The following ADAT2 variants were observed in gnomAD, a reference collection of about 807,000 sequenced individuals.
ADAT2 encodes adenosine deaminase tRNA specific 2.
ADAT2 carries 26 observed loss-of-function variants against 25.9 expected under a neutral mutation model. The ratio of observed to expected loss-of-function variants is 1.00; its 90% CI spans 0.74 to 1.39. The LOEUF (loss-of-function observed/expected upper bound fraction) is 1.39. Ranked by LOEUF, ADAT2 falls within the 40% of genes most tolerant of loss-of-function variation. The probability of loss-of-function intolerance (pLI) is 0.00; values close to 1 mark genes in which losing one functional copy is unlikely to be tolerated. For missense variants in ADAT2, 220 were observed against 244.8 expected (o/e 0.90, Z 0.68); for synonymous variants, 76 against 86.8 (o/e 0.88, Z 0.69).
At position 143,437,182 on chromosome 6, in the gene ADAT2, G is replaced by C. The variant is rs1256379544; in HGVS notation, c.201+1408C>G. ...TTGTCGGAACAGTTCCTATTGATTG[G>C]AACTGCTAGGGCGAAGTATATGCAA... On this transcript the variant is annotated intron_variant, in intron 2 of 5. Coordinates refer to ENST00000237283, the MANE Select transcript of ADAT2 (RefSeq NM_182503.3). The surrounding 1 kb of genome is among the most constrained non-coding windows in gnomAD (Gnocchi z 4.1). Among the ~76,000 whole-genome samples, 1 of 152,100 alleles carries C rather than the reference G, an allele frequency of 6.6e-6. No individual in the cohort carries two copies. Among genetic ancestry groups the C allele is most frequent in the African/African-American group, 2.4e-5 (1 of 41,426 alleles).
intron 4 of ADAT2, among the ~76,000 whole-genome samples, chr6:143,431,607 G>C (rs749634477): frequency 1.1e-4 from 16 of 152,288 alleles, no homozygotes; most frequent in Non-Finnish European, 2.4e-4. Flanking sequence ...AAGTTGATAG[G>C]AAAGCTAATG....
intron 1 of ADAT2, chr6:143,445,051 CTA>C (rs1480174158): frequency 1.2e-6 from 1 of 846,998 alleles, no homozygotes; most frequent in Admixed American, 2.6e-5. Flanking sequence ...AAAGGCTAAA[CTA>C]TATAACTGTT....
At chr6:143,443,977 A>G (rs1203259353) in intron 1 of ADAT2, among the ~76,000 whole-genome samples, 2 of 152,150 alleles carry the variant, frequency 1.3e-5, no homozygotes, top group Admixed American at 6.5e-5. Flanking sequence ...AAGAGAATGC[A>G]GGGCCGAGTG....
At chr6:143,439,401 G>T (rs2128742156) in intron 1 of ADAT2, among the ~76,000 whole-genome samples, 1 of 143,442 alleles carries the variant, frequency 7.0e-6, no homozygotes, top group African/African-American at 2.6e-5. Context: ...CCAAAACCTT[G>T]AAAAAGAATG....
chr6:143,433,388 T>G (rs1455399176), intron 3 of ADAT2, among the ~76,000 whole-genome samples: 2 of 152,176 alleles, frequency 1.3e-5, no homozygotes, highest in African/African-American at 4.8e-5. Flanking sequence ...CTTATTTACT[T>G]TTTACTGATA....
rs1257750952 is a variant in ADAT2, at chr6:143,437,062, T to C, written c.201+1528A>G. Among the ~76,000 whole-genome samples, 2 of 143,184 alleles carry C rather than the reference T, an allele frequency of 1.4e-5. No individual in the cohort carries two copies. The highest frequency in any genetic ancestry group is 2.5e-5 in the African/African-American group (1 of 40,570). The allele number at this position is 143,184 out of a possible 152,430, so 93.9% of individuals were successfully genotyped here. ...CGATCTACTATTTTTCATAAGCAAA[T>C]TGATAAAAAAGTTTTTTTGGGGGGC... On this transcript the variant is annotated intron_variant, in intron 2 of 5. Coordinates refer to ENST00000237283, the MANE Select transcript of ADAT2 (RefSeq NM_182503.3). The surrounding 1 kb of genome is among the most constrained non-coding windows in gnomAD (Gnocchi z 4.1).
At chr6:143,443,425 T>G (rs1779516012) in intron 1 of ADAT2, among the ~76,000 whole-genome samples, 1 of 151,922 alleles carries the variant, frequency 6.6e-6, no homozygotes, top group South Asian at 2.1e-4. Context: ...GAGTGAGACA[T>G]GGAAATTTTA....
chr6:143,439,205 A>G (rs578235370), intron 1 of ADAT2, among the ~76,000 whole-genome samples: 1 of 152,320 alleles, frequency 6.6e-6, no homozygotes, highest in Non-Finnish European at 1.5e-5. Flanking sequence ...ATGTGAGACA[A>G]TAAGAGTTTA....
At chr6:143,429,933 T>G (rs755438650) in intron 4 of ADAT2, among the ~76,000 whole-genome samples, 77 of 152,272 alleles carry the variant, frequency 5.1e-4, no homozygotes, top group Middle Eastern at 3.4e-3. Flanking sequence ...GCTGACACCC[T>G]GCTCCTGCCT....
In ADAT2 at chr6:143,425,057, C is replaced by T. The variant is rs1225480461; in HGVS notation, c.*3406G>A. 6.6e-6 allele frequency: 1 copy of T among 151,978 alleles called. No homozygotes were observed. The highest frequency in any genetic ancestry group is 1.5e-5 in the Non-Finnish European group (1 of 67,996). 9.4% of individuals were successfully genotyped at this position (151,978 alleles called of 1,614,324 possible). A position where few individuals can be genotyped will look rare whatever the true frequency, so the allele number is the denominator to read the frequency against. On this transcript the variant is annotated 3_prime_UTR_variant, in exon 6 of 6. Transcript: ENST00000237283. ...TGAGGAACTTAACATCAACCAGCAC[C>T]TGAATCTAATCACAAGAAAATATCA...
chr6:143,439,843 C>T (rs1398356516), intron 1 of ADAT2, among the ~76,000 whole-genome samples: 2 of 152,002 alleles, frequency 1.3e-5, no homozygotes, highest in Admixed American at 6.6e-5. Context: ...ATAAAGTATA[C>T]CTCAACTGAA....
At chr6:143,448,277 A>G (rs940087564) in intron 1 of ADAT2, among the ~76,000 whole-genome samples, 1 of 152,168 alleles carries the variant, frequency 6.6e-6, no homozygotes, top group Admixed American at 6.5e-5. Context: ...GGGGAGGGAT[A>G]GCATTAGGAG....
chr6:143,450,555 C>G lies in ADAT2; in HGVS notation c.96+8G>C, dbSNP rs747804843. 2 of 1,614,028 alleles carry G rather than the reference C, an allele frequency of 1.2e-6. No homozygotes were observed. Among genetic ancestry groups the G allele is most frequent in the Non-Finnish European group, 1.7e-6 (2 of 1,179,972 alleles). On this transcript the variant is annotated splice_region_variant and intron_variant, in intron 1 of 5. Transcript: ENST00000237283. ...CACCCCGCAGCATCTACCTCCCGGG[C>G]TCCTCACCATGTGCATCGCCTCCTC...
At chr6:143,445,778 C>A (rs1231552323) in intron 1 of ADAT2, among the ~76,000 whole-genome samples, 1 of 152,124 alleles carries the variant, frequency 6.6e-6, no homozygotes, top group Non-Finnish European at 1.5e-5. Context: ...CCTATGCACC[C>A]AGCACAAGGT....
chr6:143,438,455 A>T (rs1779357502), intron 2 of ADAT2, 135 bp downstream of exon 2: 1 of 528,108 alleles, frequency 1.9e-6, no homozygotes, highest in Non-Finnish European at 3.4e-6. Context: ...AAAAAGAGAG[A>T]CGTTAAGAAA....
intron 1 of ADAT2, among the ~76,000 whole-genome samples, chr6:143,439,253 A>G (rs1360621320): frequency 6.6e-6 from 1 of 150,634 alleles, no homozygotes; most frequent in Non-Finnish European, 1.5e-5. Context: ...CATTATGAAA[A>G]ACGTTTTGGA....
In ADAT2 at chr6:143,436,689, G is replaced by A; in HGVS notation, c.201+1901C>T. 3.7e-6 allele frequency: 1 copy of A among 273,266 alleles called. No individual in the cohort carries two copies. The highest frequency in any genetic ancestry group is 7.3e-6 in the Non-Finnish European group (1 of 136,522). The allele number at this position is 273,266 out of a possible 1,614,324, so 16.9% of individuals were successfully genotyped here. ...AGGAGGAGGGAGAGTCTGAGGAGTG[G>A]ACTGAGGAAATGGGGGCGTAGAGCC... is the stretch of plus-strand genomic sequence containing the variant. On this transcript the variant is annotated intron_variant, in intron 2 of 5. Transcript: ENST00000237283. This position sits in a 1 kb window ranked among gnomAD's most constrained non-coding sequence, Gnocchi z 4.1.
intron 3 of ADAT2, 61 bp downstream of exon 3, chr6:143,433,770 T>C (rs1779183822): frequency 3.3e-6 from 5 of 1,499,768 alleles, no homozygotes; most frequent in Non-Finnish European, 4.5e-6. Flanking sequence ...GGCTACGTGT[T>C]TGGCCACTCT....
rs1286667560 is a variant in ADAT2 at position 143,444,726 on chromosome 6, T to C, written c.96+5837A>G. 5.6e-6 allele frequency: 1 copy of C among 177,402 alleles called. No homozygotes were observed. The highest frequency in any genetic ancestry group is 1.3e-5 in the Non-Finnish European group (1 of 79,858). 11.0% of individuals were successfully genotyped at this position (177,402 alleles called of 1,614,324 possible). A position where few individuals can be genotyped will look rare whatever the true frequency, so the allele number is the denominator to read the frequency against. On this transcript the variant is annotated intron_variant, in intron 1 of 5. Coordinates refer to ENST00000237283, the MANE Select transcript of ADAT2 (RefSeq NM_182503.3). This position sits in a 1 kb window ranked among gnomAD's most constrained non-coding sequence, Gnocchi z 4.3. Reference sequence around the variant, plus strand: ...CAAAATTAAAGAATAAAATCTCTGTTCTTCCCAGCCCAAACACTGGTCTCT... The same window carrying C: ...CAAAATTAAAGAATAAAATCTCTGTCCTTCCCAGCCCAAACACTGGTCTCT...
Sources: gnomAD v4.1 joint callset for allele counts (sites outside exome capture counted in the v4.1 genomes callset) on GRCh38, gnomAD v4.1.1 for gene constraint, Gnocchi (gnomAD v3.1) non-coding constraint, MANE v1.5 for transcripts, NCBI Gene and HGNC (gene_info 2026-07-23, HGNC 2026-07-21) for gene names.